The following VWA8 variants were observed in gnomAD, a reference collection of about 807,000 sequenced individuals.
VWA8 encodes von Willebrand factor A domain containing 8, also known as von Willebrand factor A domain-containing protein 8.
A neutral mutation model predicts 241.5 loss-of-function variants in VWA8; 221 were observed. The ratio of observed to expected loss-of-function variants is 0.91; its 90% CI spans 0.82 to 1.02. VWA8 has a LOEUF of 1.02. Ranked by LOEUF, VWA8 falls within the 50% of genes least tolerant of loss-of-function variation. The pLI, the probability that VWA8 is intolerant of heterozygous loss-of-function variation, is 0.00. For synonymous variants in VWA8, 852 were observed against 827.1 expected (o/e 1.03, Z -0.52); for missense variants, 2,322 against 2,328.7 (o/e 1.00, Z 0.06).
intron 14 of VWA8, among the ~76,000 whole-genome samples, chr13:41,821,813 T>G (rs986321245): frequency 1.3e-5 from 2 of 152,176 alleles, no homozygotes; most frequent in African/African-American, 2.4e-5. Flanking sequence ...TACTTTCTGA[T>G]GCTTCTCACC....
chr13:41,820,593 C>A (rs530448445), intron 14 of VWA8, among the ~76,000 whole-genome samples: 2 of 152,284 alleles, frequency 1.3e-5, no homozygotes, highest in East Asian at 1.9e-4. Context: ...CATTTCATTT[C>A]TCTAGGTAGA....
intron 21 of VWA8, among the ~76,000 whole-genome samples, chr13:41,740,063 G>T (rs2045557857): frequency 6.6e-6 from 1 of 151,808 alleles, no homozygotes; most frequent in Non-Finnish European, 1.5e-5. Flanking sequence ...CACTGTGTTA[G>T]CCAGGATGGT....
intron 21 of VWA8, among the ~76,000 whole-genome samples, chr13:41,755,165 C>T (rs2045685493): frequency 6.6e-6 from 1 of 151,902 alleles, no homozygotes; most frequent in African/African-American, 2.4e-5. Flanking sequence ...GCTCAATTTT[C>T]AGTTTTTTGA....
intron 9 of VWA8, among the ~76,000 whole-genome samples, chr13:41,881,854 G>A (rs1422556523): frequency 7.0e-6 from 1 of 142,530 alleles, no homozygotes; most frequent in Non-Finnish European, 1.5e-5. Flanking sequence ...CCGGGCGGGG[G>A]GCTGACCCCC....
intron 21 of VWA8, among the ~76,000 whole-genome samples, chr13:41,748,188 T>C (rs1566440263): frequency 6.6e-6 from 1 of 152,216 alleles, no homozygotes; most frequent in African/African-American, 2.4e-5. Context: ...AGCTCCTCCT[T>C]GTACCTCTGG....
rs149624650 is a variant in VWA8, at chr13:41,865,991, G to A, written c.1258C>T (p.Arg420Cys). The A allele has an allele frequency of 5.0e-5, 80 of 1,613,984 alleles. No individual in the cohort carries two copies. Among genetic ancestry groups the A allele is most frequent in the East Asian group, 8.9e-5 (4 of 44,892 alleles). Reference sequence around the variant, plus strand: ...TTATGGCTCAAAGTCTGTATGAAACGGTCTGACGCACAAGGTTGACTTAAT... The same window carrying A: ...TTATGGCTCAAAGTCTGTATGAAACAGTCTGACGCACAAGGTTGACTTAAT... ...RLLSQPCASD[R>C]FIQTLSHKQL... The change falls in exon 11 of 45, where the codon CGT becomes TGT. Residue 420 changes from arginine to cysteine, a missense_variant. Coordinates refer to ENST00000379310, the MANE Select transcript of VWA8 (RefSeq NM_015058.2).
intron 42 of VWA8, among the ~76,000 whole-genome samples, chr13:41,576,478 C>G (rs779348545): frequency 6.6e-6 from 1 of 152,176 alleles, no homozygotes; most frequent in African/African-American, 2.4e-5. Flanking sequence ...ACTGAAACTG[C>G]TGTGTTTTAA....
intron 18 of VWA8, among the ~76,000 whole-genome samples, chr13:41,784,755 T>TATATATAG (rs1869104515): frequency 8.5e-6 from 1 of 117,064 alleles, no homozygotes; most frequent in Non-Finnish European, 1.8e-5. Context: ...TATATATATA[T>TATATATAG]ATATATACAC....
intron 37 of VWA8, among the ~76,000 whole-genome samples, chr13:41,649,508 T>C (rs531169357): frequency 2.7e-4 from 41 of 152,204 alleles, no homozygotes; most frequent in African/African-American, 9.6e-4. Flanking sequence ...TTATCTGTAT[T>C]TCTGGTGAGG....
intron 20 of VWA8, among the ~76,000 whole-genome samples, chr13:41,766,895 G>C (rs542117800): frequency 6.6e-6 from 1 of 152,130 alleles, no homozygotes; most frequent in East Asian, 1.9e-4. Flanking sequence ...TCAGTTTAAG[G>C]TTGTAAAATC....
In VWA8 at chr13:41,943,545, T is replaced by C. The variant is rs1330878063; in HGVS notation, c.241+6391A>G. ...ATCAATAAATTATGTGTAATCAAAC[T>C]TTCTGCCAACCAAAAGATATCAATG... On this transcript the variant is annotated intron_variant, in intron 2 of 44. Coordinates refer to ENST00000379310, the MANE Select transcript of VWA8 (RefSeq NM_015058.2). Among the ~76,000 whole-genome samples the C allele has an allele frequency of 7.9e-5, 12 of 152,128 alleles. No homozygotes were observed. In the East Asian group the frequency reaches 2.3e-3, roughly 29 times the overall value.
chr13:41,596,874 CCAAT>C (rs2044492128), intron 40 of VWA8, among the ~76,000 whole-genome samples: 1 of 149,764 alleles, frequency 6.7e-6, no homozygotes, highest in Admixed American at 6.7e-5. Flanking sequence ...TTGACAAAAA[CCAAT>C]CATCTTGTGG....
intron 21 of VWA8, among the ~76,000 whole-genome samples, chr13:41,749,007 T>C (rs1288858834): frequency 1.3e-5 from 2 of 152,114 alleles, no homozygotes; most frequent in East Asian, 3.9e-4. Flanking sequence ...AATTGATAAA[T>C]GGGATCTAAT....
chr13:41,880,880 T>C (rs1874137485), intron 9 of VWA8, among the ~76,000 whole-genome samples: 1 of 152,206 alleles, frequency 6.6e-6, no homozygotes, highest in Admixed American at 6.5e-5. Context: ...TCAGAGATTA[T>C]GTCAATACCC....
In VWA8 at chr13:41,675,247, T is replaced by C. The variant is rs946483373; in HGVS notation, c.4377A>G (p.Gln1459=). The part of the protein sequence containing the change: ...TSGYIEVTDL[Q]SKKLRYIPIP... ...TAGGGATATATCGGAGTTTCTTTGA[T>C]TGAAGATCAGTGACTTCTATATAAC... The change falls in exon 36 of 45, where the codon CAA becomes CAG. Residue 1459 remains glutamine (Q), a synonymous_variant. Coordinates refer to ENST00000379310, the MANE Select transcript of VWA8 (RefSeq NM_015058.2). 6.2e-7 allele frequency: 1 copy of C among 1,613,244 alleles called. No individual in the cohort carries two copies. The highest frequency in any genetic ancestry group is 8.5e-7 in the Non-Finnish European group (1 of 1,179,516).
intron 29 of VWA8, among the ~76,000 whole-genome samples, 156 bp from the exon 30 acceptor site, chr13:41,693,128 A>G (rs7339298): frequency 0.02 from 3,061 of 152,060 alleles, 68 homozygotes; most frequent in African/African-American, 0.058. Context: ...AAAGACATTA[A>G]GTGATTTTTC....
intron 27 of VWA8, among the ~76,000 whole-genome samples, chr13:41,702,223 C>G (rs1358032955): frequency 6.6e-6 from 1 of 152,148 alleles, no homozygotes; most frequent in Admixed American, 6.5e-5. Context: ...GCCCTACAGT[C>G]CTTAATTAAT....
chr13:41,832,945 T>A (rs1027533938), intron 13 of VWA8, among the ~76,000 whole-genome samples: 1 of 144,484 alleles, frequency 6.9e-6, no homozygotes, highest in East Asian at 2.1e-4. Flanking sequence ...TTTCTCTCTC[T>A]CAAAAAAAAA....
intron 37 of VWA8, among the ~76,000 whole-genome samples, chr13:41,650,450 T>G (rs1593674283): frequency 6.6e-6 from 1 of 152,220 alleles, no homozygotes; most frequent in East Asian, 1.9e-4. Context: ...GATTGATCCC[T>G]ATTTGATTCT....
Sources: gnomAD v4.1 joint callset for allele counts (sites outside exome capture counted in the v4.1 genomes callset) on GRCh38, gnomAD v4.1.1 for gene constraint, MANE v1.5 for transcripts, NCBI Gene and HGNC (gene_info 2026-07-23, HGNC 2026-07-21) for gene names.